SLC2A13: variants seen among roughly 807,000 people sequenced by gnomAD.
SLC2A13 encodes the protein proton myo-inositol cotransporter.
A neutral mutation model predicts 64.4 loss-of-function variants in SLC2A13; 32 were observed. That is an observed-to-expected ratio of 0.50 (90% CI 0.37 to 0.67). The LOEUF (loss-of-function observed/expected upper bound fraction) is 0.67, where lower values mean the gene tolerates loss of function less well. Among genes scored for constraint, SLC2A13 ranks in the 30% least tolerant of loss-of-function variants. The pLI, the probability that SLC2A13 is intolerant of heterozygous loss-of-function variation, is 0.00. For synonymous variants in SLC2A13, 338 were observed against 327.1 expected, an observed-to-expected ratio of 1.03 and a Z score of -0.36; for missense variants, 743 against 829.2, an observed-to-expected ratio of 0.90 and a Z score of 1.28.
intron 7 of SLC2A13, among the ~76,000 whole-genome samples, chr12:39,795,318 A>G (rs1941539588): frequency 6.6e-6 from 1 of 152,096 alleles, no homozygotes; most frequent in Non-Finnish European, 1.5e-5. Context: ...TGATAAATCT[A>G]CACAGTTTTA....
At chr12:40,072,038 T>C (rs1366643645) in intron 1 of SLC2A13, among the ~76,000 whole-genome samples, 1 of 152,120 alleles carries the variant, frequency 6.6e-6, no homozygotes. Context: ...CTCCTTCTGT[T>C]ACTAAATACA....
At chr12:40,062,064 G>A (rs1948432484) in intron 1 of SLC2A13, among the ~76,000 whole-genome samples, 1 of 152,024 alleles carries the variant, frequency 6.6e-6, no homozygotes, top group African/African-American at 2.4e-5. Context: ...GGGAAAGATG[G>A]ACCTTTTAAT....
intron 4 of SLC2A13, among the ~76,000 whole-genome samples, chr12:39,893,604 C>A (rs187651609): frequency 1.3e-5 from 2 of 152,054 alleles, no homozygotes; most frequent in Non-Finnish European, 2.9e-5. Flanking sequence ...CCAGGCCTAC[C>A]GCTCTTTTCT....
At chr12:39,854,940 G>A (rs79126636) in intron 6 of SLC2A13, among the ~76,000 whole-genome samples, 2,334 of 152,238 alleles carry the variant, frequency 0.015, 46 homozygotes, top group African/African-American at 0.051. Context: ...CCTCTGTGAC[G>A]GGTCCTTAAT....
chr12:40,044,542 CCT>C (rs1477052608), intron 2 of SLC2A13, among the ~76,000 whole-genome samples: 1 of 152,030 alleles, frequency 6.6e-6, no homozygotes, highest in Non-Finnish European at 1.5e-5. Flanking sequence ...AATTTTATTT[CCT>C]CTTTCTTCAT....
chr12:39,942,533 A>T (rs1387856916), intron 4 of SLC2A13, among the ~76,000 whole-genome samples: 1 of 152,222 alleles, frequency 6.6e-6, no homozygotes, highest in African/African-American at 2.4e-5. Context: ...GGTGTATAGA[A>T]GAGCTACTGA....
chr12:39,870,906 T>C (rs1944032215), intron 5 of SLC2A13, among the ~76,000 whole-genome samples: 1 of 152,208 alleles, frequency 6.6e-6, no homozygotes, highest in Admixed American at 6.5e-5. Context: ...GATGAGTGAC[T>C]GAAACAGTTC....
At chr12:40,072,405 T>G (rs1040955152) in intron 1 of SLC2A13, among the ~76,000 whole-genome samples, 1 of 152,138 alleles carries the variant, frequency 6.6e-6, no homozygotes, top group Non-Finnish European at 1.5e-5. Flanking sequence ...TATATCCAGT[T>G]GAGTAATGGT....
At chr12:39,934,607 G>A (rs765442952) in intron 4 of SLC2A13, among the ~76,000 whole-genome samples, 11 of 152,216 alleles carry the variant, frequency 7.2e-5, no homozygotes, top group Non-Finnish European at 1.3e-4. Context: ...TTTTGGATAA[G>A]CAGCTGAGGA....
intron 2 of SLC2A13, among the ~76,000 whole-genome samples, chr12:40,038,708 GT>G (rs1948030573): frequency 6.9e-6 from 1 of 145,556 alleles, no homozygotes. Context: ...ACCAGCCTGG[GT>G]GACAGAGCAA....
At chr12:40,034,778 C>A (rs753248136) in intron 2 of SLC2A13, among the ~76,000 whole-genome samples, 5 of 152,080 alleles carry the variant, frequency 3.3e-5, no homozygotes, top group Non-Finnish European at 5.9e-5. Context: ...AAAGGGTTAG[C>A]AATTAGAATC....
intron 3 of SLC2A13, among the ~76,000 whole-genome samples, chr12:39,952,742 A>G (rs143389297): frequency 6.6e-6 from 1 of 152,168 alleles, no homozygotes; most frequent in Admixed American, 6.5e-5. Flanking sequence ...ATAAATGTCA[A>G]ATTGCCTTAG....
chr12:40,058,058 T>C (rs968603010), intron 1 of SLC2A13, among the ~76,000 whole-genome samples: 5 of 149,068 alleles, frequency 3.4e-5, no homozygotes, highest in African/African-American at 9.8e-5. Flanking sequence ...GATAGATAGA[T>C]AGATAGATAG....
intron 2 of SLC2A13, among the ~76,000 whole-genome samples, chr12:40,043,315 T>A (rs775121121): frequency 2.0e-5 from 3 of 152,060 alleles, no homozygotes; most frequent in African/African-American, 7.2e-5. Context: ...CTCACTATGT[T>A]CATGAAGTAA....
At chr12:40,073,343 G>T (rs1023162008) in intron 1 of SLC2A13, among the ~76,000 whole-genome samples, 1 of 152,008 alleles carries the variant, frequency 6.6e-6, no homozygotes, top group Admixed American at 6.6e-5. Context: ...GGGGGGAAAT[G>T]AACCATAAAC....
At chr12:39,837,285 A>C (rs1169812751) in intron 6 of SLC2A13, among the ~76,000 whole-genome samples, 1 of 149,686 alleles carries the variant, frequency 6.7e-6, no homozygotes, top group Non-Finnish European at 1.5e-5. Context: ...CTGGCTAGCC[A>C]TATGTAGGAA....
At position 39,882,890 on chromosome 12, in the gene SLC2A13, A is replaced by G. The variant is rs565473425; in HGVS notation, c.1035-10929T>C. ...TACTAGAATTACTTAGATATACATCATATTTCTATTTCTATCATATTTCTA... is the reference window on the plus strand; with the variant it reads ...TACTAGAATTACTTAGATATACATCGTATTTCTATTTCTATCATATTTCTA... On this transcript the variant is annotated intron_variant, in intron 4 of 9. Coordinates refer to ENST00000280871, the MANE Select transcript of SLC2A13 (RefSeq NM_052885.4). Among the ~76,000 whole-genome samples, 46 of 152,294 alleles carry G rather than the reference A, an allele frequency of 3.0e-4. No homozygotes were observed. In the South Asian group the frequency reaches 9.1e-3, roughly 30 times the overall value.
chr12:39,840,826 T>C (rs1176336701), intron 6 of SLC2A13, among the ~76,000 whole-genome samples: 2 of 152,214 alleles, frequency 1.3e-5, no homozygotes, highest in Middle Eastern at 3.4e-3. Flanking sequence ...TTCCTAGAGA[T>C]TTCCATGTTG....
chr12:39,957,863 G>A (rs762125643), intron 3 of SLC2A13, among the ~76,000 whole-genome samples: 6 of 152,094 alleles, frequency 3.9e-5, no homozygotes, highest in Non-Finnish European at 7.4e-5. Context: ...GGACAGAAAC[G>A]TGAGGAGGCC....
Sources: allele counts gnomAD v4.1 joint callset (sites outside exome capture counted in the v4.1 genomes callset), GRCh38; gene constraint gnomAD v4.1.1; transcripts MANE v1.5; gene names NCBI Gene and HGNC (gene_info 2026-07-23, HGNC 2026-07-21).